Variants in PRMT7 observed in about 807,000 individuals in gnomAD.
The protein encoded by PRMT7 is protein arginine methyltransferase 7, also known as protein arginine N-methyltransferase 7.
Under a neutral mutation model 85.4 loss-of-function variants are expected in PRMT7, and 75 were observed. That is an observed-to-expected ratio of 0.88 (90% CI 0.73 to 1.06). The LOEUF is 1.06. Among genes scored for constraint, PRMT7 ranks in the 50% least tolerant of loss-of-function variants. The pLI, the probability that PRMT7 is intolerant of heterozygous loss-of-function variation, is 0.00. For synonymous variants in PRMT7, 397 were observed against 359.5 expected, an observed-to-expected ratio of 1.10 and a Z score of -1.18; for missense variants, 868 against 915.2, an observed-to-expected ratio of 0.95 and a Z score of 0.67.
At chr16:68,355,579 C>T (rs1057381787) in intron 16 of PRMT7, 144 bp from the exon 17 acceptor site, 32 of 839,470 alleles carry the variant, frequency 3.8e-5, no homozygotes, top group Middle Eastern at 3.9e-4. Context: ...GAGGGGGCGC[C>T]GCTGGTCTGC....
intron 14 of PRMT7, 95 bp downstream of exon 14, chr16:68,348,526 C>T: frequency 1.1e-6 from 1 of 945,720 alleles, no homozygotes; most frequent in African/African-American, 1.7e-5. Context: ...CCTGGAGTCT[C>T]ACAGTGGGTC....
At position 68,352,373 on chromosome 16, in the gene PRMT7, G is replaced by A; in HGVS notation, c.1539G>A (p.Gln513=). The stretch of plus-strand genomic sequence containing the variant: ...GGCCAGGTGCCATGGTGATGCCCCA[G>A]GCAGCCTCGCTGCACGCTGTGGTTG... ...HLGPGAMVMP[Q]AASLHAVVVE... is the part of the protein sequence containing the mutation. Residue 513 remains glutamine (Q), a synonymous_variant, in exon 15 of 19, where the codon CAG becomes CAA. Transcript: ENST00000441236. 1 of 1,609,320 alleles carries A rather than the reference G, an allele frequency of 6.2e-7. No homozygotes were observed. Among genetic ancestry groups the A allele is most frequent in the Non-Finnish European group, 8.5e-7 (1 of 1,179,856 alleles).
rs1257795597 is a variant in PRMT7 at position 68,357,149 on chromosome 16, C to T, written c.2004C>T (p.Val668=). The change falls in exon 19 of 19, where the codon GTC becomes GTT. Residue 668 remains valine (V), a synonymous_variant. Transcript: ENST00000441236. ...PRALLGGPRT[V]SYAVEFHPDT... ...CACTGCTGGGTGGCCCACGGACTGT[C>T]AGCTATGCAGTGGAGTTTCACCCCG... 1 of 1,614,036 alleles carries T rather than the reference C, an allele frequency of 6.2e-7. No individual in the cohort carries two copies. Among genetic ancestry groups the T allele is most frequent in the Admixed American group, 1.7e-5 (1 of 60,022 alleles).
chr16:68,348,409 A>G lies in PRMT7; in HGVS notation c.1391A>G (p.Asn464Ser). The G allele has an allele frequency of 1.2e-6, 2 of 1,612,252 alleles. No homozygotes were observed. Among genetic ancestry groups the G allele is most frequent in the Admixed American group, 3.3e-5 (2 of 60,008 alleles). Residue 464 changes from asparagine to serine, a missense_variant, in exon 14 of 19, where the codon AAT (asparagine) becomes AGT (serine). Physicochemically the swap from Asn to Ser is conservative, Grantham distance 46 (BLOSUM62 1). Coordinates refer to ENST00000441236, the MANE Select transcript of PRMT7 (RefSeq NM_019023.5). The part of the protein sequence containing the change: ...IIEKRPELLT[N>S]EDLQGRKVSL... Reference sequence around the variant, plus strand: ...GAGAAACGGCCGGAATTATTAACAAATGAGGACCTACAGGGCAGAAAGGTG... The same window carrying G: ...GAGAAACGGCCGGAATTATTAACAAGTGAGGACCTACAGGGCAGAAAGGTG...
intron 10 of PRMT7, 26 bp downstream of exon 10, chr16:68,345,828 G>T (rs758904525): frequency 6.2e-7 from 1 of 1,613,160 alleles, no homozygotes; most frequent in Non-Finnish European, 8.5e-7. Flanking sequence ...TGGGGGTGGA[G>T]GATGAGCCTC....
intron 4 of PRMT7, among the ~76,000 whole-genome samples, chr16:68,322,127 C>T (rs947239117): frequency 6.6e-6 from 1 of 152,064 alleles, no homozygotes; most frequent in African/African-American, 2.4e-5. Context: ...TACTATTATA[C>T]CTAGTATTGG....
chr16:68,316,794 A>C (rs2081913817), intron 3 of PRMT7: 1 of 152,484 alleles, frequency 6.6e-6, no homozygotes, highest in Non-Finnish European at 1.5e-5. Context: ...GTTGTTATGT[A>C]GCAATCATTA....
chr16:68,316,017 G>A lies in PRMT7; in HGVS notation c.38G>A (p.Gly13Glu). The change falls in exon 3 of 19, where the codon GGG (glycine) becomes GAG (glutamate). Residue 13 changes from glycine (G) to glutamate (E), a missense_variant. Coordinates refer to ENST00000441236, the MANE Select transcript of PRMT7 (RefSeq NM_019023.5). ...TGCAGTCGGGCCAATCCGACCACGG[G>A]GTCTGTGGAGTGGCTGGAGGAGGAT... ...IFCSRANPTT[G>E]SVEWLEEDEH... The A allele has an allele frequency of 6.2e-7, 1 of 1,613,736 alleles. No individual in the cohort carries two copies. The highest frequency in any genetic ancestry group is 8.5e-7 in the Non-Finnish European group (1 of 1,179,942).
intron 5 of PRMT7, among the ~76,000 whole-genome samples, chr16:68,326,372 A>G (rs57494306): frequency 0.011 from 1,644 of 152,260 alleles, 31 homozygotes; most frequent in African/African-American, 0.038. Flanking sequence ...CAGCCTCCCA[A>G]ATAGCTGGGA....
intron 14 of PRMT7, among the ~76,000 whole-genome samples, chr16:68,351,074 A>G (rs1365594270): frequency 6.6e-6 from 1 of 152,110 alleles, no homozygotes; most frequent in African/African-American, 2.4e-5. Context: ...AGGGCATAGG[A>G]GATGATTCTG....
chr16:68,321,500 GT>G lies in PRMT7; in HGVS notation c.132+42del, dbSNP rs374901460. 1,218 of 1,561,084 alleles carry G rather than the reference GT, an allele frequency of 7.8e-4. 6 individuals are homozygous for G. In the African/African-American group the frequency reaches 0.013, roughly 17 times the overall value. Reference sequence around the variant, plus strand: ...GGAAACTATTATCTTGATGTGGGGTGTTTTGAAGTCTTGGATTACAAGAAGG... The same window carrying G: ...GGAAACTATTATCTTGATGTGGGGTGTTTGAAGTCTTGGATTACAAGAAGG... On this transcript the variant is annotated intron_variant, in intron 4 of 18. Coordinates refer to ENST00000441236, the MANE Select transcript of PRMT7 (RefSeq NM_019023.5).
Position 68,338,863 on chromosome 16 carries a change from C to A in PRMT7, c.505-459C>A, listed in dbSNP as rs570237375. Among the ~76,000 whole-genome samples the A allele has an allele frequency of 2.0e-5, 3 of 152,242 alleles. No individual in the cohort carries two copies. The South Asian group carries it at 6.2e-4, about 32-fold the overall frequency. The stretch of plus-strand genomic sequence containing the variant: ...GTAGGAGGAGAGCCGGACAAGGAGC[C>A]GGAGCCGGAGCCACAGCCCTAGGGG... On this transcript the variant is annotated intron_variant, in intron 7 of 18. Transcript: ENST00000441236.
chr16:68,355,352 G>A (rs149702301), intron 16 of PRMT7: 1,744 of 172,570 alleles, frequency 0.01, 14 homozygotes, highest in Non-Finnish European at 0.014. Flanking sequence ...GTACTGTCAC[G>A]CATTTATCCC....
At chr16:68,333,352 A>G (rs1305853367) in intron 6 of PRMT7, among the ~76,000 whole-genome samples, 6 of 151,884 alleles carry the variant, frequency 4.0e-5, no homozygotes, top group Non-Finnish European at 7.4e-5. Flanking sequence ...GTGGTGGTGC[A>G]TGCCTGTAAT....
rs1244189599 is a variant in PRMT7, at chr16:68,355,891, CAG to C, written c.1811+13_1811+14del. ...CACCGTGGAGCTCAGAAGGTGGGTGCAGAGAGGGCTGGGGGGCAGGGAGGGGC... is the reference window on the plus strand; with the variant it reads ...CACCGTGGAGCTCAGAAGGTGGGTGCAGAGGGCTGGGGGGCAGGGAGGGGC... On this transcript the variant is annotated intron_variant, in intron 17 of 18. Transcript: ENST00000441236. 6.3e-7 allele frequency: 1 copy of C among 1,575,928 alleles called. No homozygotes were observed. The highest frequency in any genetic ancestry group is 8.6e-7 in the Non-Finnish European group (1 of 1,162,640).
intron 9 of PRMT7, among the ~76,000 whole-genome samples, chr16:68,342,004 G>A (rs571453291): frequency 1.6e-3 from 248 of 152,260 alleles, no homozygotes; most frequent in African/African-American, 5.7e-3. Context: ...CCAGCTGGGT[G>A]TGGTGGCTCA....
At chr16:68,335,915 T>TA (rs1418089848) in intron 6 of PRMT7, among the ~76,000 whole-genome samples, 1 of 152,110 alleles carries the variant, frequency 6.6e-6, no homozygotes, top group Non-Finnish European at 1.5e-5. Context: ...TAGCTGGGAT[T>TA]ACAGGCACCC....
intron 2 of PRMT7, 32 bp downstream of exon 2, chr16:68,312,208 T>C (rs1394888648): frequency 1.2e-5 from 1 of 83,956 alleles, no homozygotes; most frequent in Non-Finnish European, 2.4e-5. Flanking sequence ...TGTATATTTA[T>C]ATATATATAT....
At position 68,339,544 on chromosome 16, in the gene PRMT7, G is replaced by A. The variant is rs775635305; in HGVS notation, c.727G>A (p.Asp243Asn). 9 of 1,613,706 alleles carry A rather than the reference G, an allele frequency of 5.6e-6. No homozygotes were observed. Among genetic ancestry groups the A allele is most frequent in the East Asian group, 4.5e-5 (2 of 44,898 alleles). ...VSPADFTVLSDVLPMFSIDFS... is the reference protein window; with the variant it reads ...VSPADFTVLSNVLPMFSIDFS... ...ACCAGCCGACTTTACAGTCCTCAGC[G>A]ATGTGCTGCCCATGTTCAGGTACCA... Residue 243 changes from aspartate to asparagine, a missense_variant, in exon 8 of 19, where the codon GAT becomes AAT. By Grantham distance (23) the Asp-to-Asn change is conservative. Coordinates refer to ENST00000441236, the MANE Select transcript of PRMT7 (RefSeq NM_019023.5).
Sources: allele counts gnomAD v4.1 joint callset (sites outside exome capture counted in the v4.1 genomes callset), GRCh38; gene constraint gnomAD v4.1.1; transcripts MANE v1.5; gene names NCBI Gene and HGNC (gene_info 2026-07-23, HGNC 2026-07-21).